The following APBB2 variants were observed in gnomAD, a reference collection of about 807,000 sequenced individuals.
APBB2 encodes Fe65-like 1.
A neutral mutation model predicts 82.5 loss-of-function variants in APBB2; 38 were observed. The ratio of observed to expected loss-of-function variants is 0.46; its 90% CI spans 0.36 to 0.60. APBB2 has a LOEUF of 0.60. Among genes scored for constraint, APBB2 ranks in the 20% least tolerant of loss-of-function variants. The pLI, the probability that APBB2 is intolerant of heterozygous loss-of-function variation, is 0.00. For synonymous variants in APBB2, 341 were observed against 368.2 expected, an observed-to-expected ratio of 0.93 and a Z score of 0.85; for missense variants, 772 against 972.3, an observed-to-expected ratio of 0.79 and a Z score of 2.74.
At chr4:40,855,095 C>T (rs1760748630) in intron 12 of APBB2, among the ~76,000 whole-genome samples, 1 of 152,176 alleles carries the variant, frequency 6.6e-6, no homozygotes, top group African/African-American at 2.4e-5. Flanking sequence ...TGACCTGAGG[C>T]CCCTCGTTGT....
chr4:40,974,414 A>T (rs1408668260), intron 6 of APBB2, among the ~76,000 whole-genome samples: 1 of 152,216 alleles, frequency 6.6e-6, no homozygotes. Flanking sequence ...GCCCAGGGCC[A>T]AGGACACAGA....
chr4:40,977,320 T>TG (rs1797417347), intron 6 of APBB2, among the ~76,000 whole-genome samples: 2 of 144,584 alleles, frequency 1.4e-5, no homozygotes, highest in Non-Finnish European at 3.0e-5. Flanking sequence ...ATATAGTTGT[T>TG]TTTTTTTTTT....
At chr4:41,147,593 C>T (rs1761140654) in intron 1 of APBB2, among the ~76,000 whole-genome samples, 1 of 149,672 alleles carries the variant, frequency 6.7e-6, no homozygotes, top group African/African-American at 2.5e-5. Context: ...TGGGTTCAAG[C>T]GATTCTCCTG....
intron 5 of APBB2, among the ~76,000 whole-genome samples, chr4:41,022,143 GA>G (rs375794520): frequency 9.2e-5 from 14 of 152,340 alleles, no homozygotes; most frequent in Middle Eastern, 3.4e-3. Flanking sequence ...CAGAGGAACA[GA>G]TGTGAAGGGA....
At chr4:40,855,546 C>A (rs938096676) in intron 12 of APBB2, among the ~76,000 whole-genome samples, 1 of 152,052 alleles carries the variant, frequency 6.6e-6, no homozygotes, top group African/African-American at 2.4e-5. Context: ...ACCAGCCTGG[C>A]CAACATGGTG....
intron 12 of APBB2, among the ~76,000 whole-genome samples, chr4:40,865,631 C>A (rs1472692675): frequency 6.6e-6 from 1 of 152,134 alleles, no homozygotes; most frequent in Non-Finnish European, 1.5e-5. Context: ...CTTTTTATTG[C>A]TGAGAATTCC....
At chr4:40,892,721 T>C (rs751155234) in intron 11 of APBB2, 1 of 152,290 alleles carries the variant, frequency 6.6e-6, no homozygotes, top group Non-Finnish European at 1.5e-5. Flanking sequence ...TCTGAAATTA[T>C]CTCAACTAAC....
intron 12 of APBB2, chr4:40,857,171 C>G (rs1343121072): frequency 3.0e-6 from 3 of 985,332 alleles, no homozygotes; most frequent in Admixed American, 6.1e-5. Context: ...GAGCGGCGCC[C>G]GCGCCTCCCT....
intron 12 of APBB2, chr4:40,880,072 G>A: frequency 2.0e-6 from 2 of 985,374 alleles, no homozygotes; most frequent in Non-Finnish European, 2.4e-6. Flanking sequence ...TATGACCCTT[G>A]CATGAAAGGA....
At chr4:41,214,311 C>A (rs978501015) in intron 1 of APBB2, 94 bp downstream of exon 1, 2 of 152,318 alleles carry the variant, frequency 1.3e-5, no homozygotes, top group Non-Finnish European at 2.9e-5. Flanking sequence ...CGCAGCCGCT[C>A]GCCGCACGCT....
Position 41,013,925 on chromosome 4 carries a change from A to G in APBB2, c.493T>C (p.Tyr165His), listed in dbSNP as rs34875102. Residue 165 changes from tyrosine (Y) to histidine (H), a missense_variant, in exon 6 of 18, where the codon TAT becomes CAT. By Grantham distance (83) the Tyr-to-His change is moderately conservative (BLOSUM62 2). Coordinates refer to ENST00000508593, the MANE Select transcript of APBB2 (RefSeq NM_004307.2). ...PRRTKSFLNY[Y>H]ADLETSAREL... Reference sequence around the variant, plus strand: ...CTGGCTGAGGTTTCCAGATCTGCATAGTAATTTAGGAAGCTCTTAGTTCTC... The same window carrying G: ...CTGGCTGAGGTTTCCAGATCTGCATGGTAATTTAGGAAGCTCTTAGTTCTC... 2.2e-3 allele frequency: 3,537 copies of G among 1,614,132 alleles called. 12 individuals are homozygous for G. Among genetic ancestry groups the G allele is most frequent in the Non-Finnish European group, 2.7e-3 (3,136 of 1,180,042 alleles).
chr4:41,104,242 T>G (rs1746389779), intron 2 of APBB2, among the ~76,000 whole-genome samples: 1 of 152,200 alleles, frequency 6.6e-6, no homozygotes, highest in Non-Finnish European at 1.5e-5. Context: ...AGAACGTGGC[T>G]ATATTAAAAT....
intron 6 of APBB2, among the ~76,000 whole-genome samples, chr4:40,973,668 C>T (rs1264107798): frequency 6.6e-6 from 1 of 152,104 alleles, no homozygotes; most frequent in Non-Finnish European, 1.5e-5. Context: ...TTGGCAGGGC[C>T]ATGCTCCCCT....
intron 6 of APBB2, among the ~76,000 whole-genome samples, chr4:40,988,761 CAA>C (rs1801150136): frequency 6.7e-6 from 1 of 149,072 alleles, no homozygotes; most frequent in Non-Finnish European, 1.5e-5. Flanking sequence ...ATTTGCAATC[CAA>C]AGTCTTTTTT....
Position 40,982,414 on chromosome 4 carries a change from A to G in APBB2, c.835+31169T>C, listed in dbSNP as rs1231366411. Among the ~76,000 whole-genome samples the G allele has an allele frequency of 9.0e-4, 95 of 106,144 alleles. 7 individuals carry two copies. The highest frequency in any genetic ancestry group is 3.6e-3 in the African/African-American group (93 of 25,878). 69.6% of individuals were successfully genotyped at this position (106,144 alleles called of 152,430 possible). On this transcript the variant is annotated intron_variant, in intron 6 of 17. Transcript: ENST00000508593. ...AGGAAAGGAAAGGAAAGAAAGAAAG[A>G]AAGAAAGAAAGAAAGAAAGAAAGAA...
At chr4:41,015,961 AACTATTAT>A (rs1809800897) in intron 5 of APBB2, among the ~76,000 whole-genome samples, 1 of 152,228 alleles carries the variant, frequency 6.6e-6, no homozygotes, top group Non-Finnish European at 1.5e-5. Context: ...ATTTGGCTAC[AACTATTAT>A]ACCATTTTAT....
chr4:40,982,279 AAAGAAGGAAGGAAGGAAG>A (rs1798869408), intron 6 of APBB2, among the ~76,000 whole-genome samples: 2 of 40,656 alleles, frequency 4.9e-5, no homozygotes, highest in African/African-American at 2.5e-4. Context: ...AGAAAGAAAG[AAAGAAGGAAGGAAGGAAG>A]GAAGGAAGGA....
intron 12 of APBB2, among the ~76,000 whole-genome samples, chr4:40,862,945 G>A (rs1447542528): frequency 6.6e-6 from 1 of 151,574 alleles, no homozygotes; most frequent in African/African-American, 2.4e-5. Context: ...CATAAGCACC[G>A]TCCCTTCTGA....
At chr4:40,860,233 T>C (rs1479437048) in intron 12 of APBB2, among the ~76,000 whole-genome samples, 2 of 152,156 alleles carry the variant, frequency 1.3e-5, no homozygotes, top group African/African-American at 4.8e-5. Context: ...TGTTTCTGTT[T>C]GCCTAGTGGC....
Sources: allele counts gnomAD v4.1 joint callset (sites outside exome capture counted in the v4.1 genomes callset), GRCh38; gene constraint gnomAD v4.1.1; transcripts MANE v1.5; gene names NCBI Gene and HGNC (gene_info 2026-07-23, HGNC 2026-07-21).